The following TENM3 variants were observed in gnomAD, a reference collection of about 807,000 sequenced individuals.
The protein encoded by TENM3 is teneurin-3.
In TENM3, 63 loss-of-function variants were observed where a neutral mutation model predicts 255.1. That is an observed-to-expected ratio of 0.25 (90% CI 0.20 to 0.30). The LOEUF is 0.30. TENM3 is among the 10% of genes least tolerant of loss of function. TENM3 has a pLI of 1.00. For missense variants in TENM3, 2,929 were observed against 3,461.1 expected (o/e 0.85, Z 3.86); for synonymous variants, 1,306 against 1,322.3 (o/e 0.99, Z 0.27).
the TENM3 span, among the ~76,000 whole-genome samples, chr4:181,767,256 A>C: frequency 2.0e-5 from 3 of 148,946 alleles, no homozygotes; most frequent in African/African-American, 7.4e-5. Flanking sequence ...CGTCTCAAAA[A>C]AAAAAAAAAA....
the TENM3 span, among the ~76,000 whole-genome samples, chr4:182,075,200 C>CT: frequency 0.02 from 2,619 of 128,112 alleles, 124 homozygotes; most frequent in African/African-American, 0.071. Context: ...TGTTTTTTTT[C>CT]TTTTTTTTTT....
At position 182,243,646 on chromosome 4, in the gene TENM3, A is replaced by C. The variant is rs182975588; in HGVS notation, c.-76+170A>C. 7.4e-3 allele frequency among the ~76,000 whole-genome samples: 1,124 copies of C among 151,642 alleles called. 8 individuals carry two copies. The highest frequency in any genetic ancestry group is 0.011 in the Non-Finnish European group (721 of 68,018). ...AAAGTAGTTGAAGATGGAGAGGGCA[A>C]ATCTGGGCAGTGTTGGGACACGGAA... On this transcript the variant is annotated intron_variant, in intron 1 of 27. Transcript: ENST00000511685.
chr4:182,449,222 G>GCTCC (rs1205076203), intron 3 of TENM3: 24 of 165,788 alleles, frequency 1.4e-4, no homozygotes, highest in Non-Finnish European at 2.7e-4. Context: ...CGGCGGCGGC[G>GCTCC]GCGGCGGCTC....
chr4:182,666,830 A>T (rs946754542), intron 6 of TENM3, among the ~76,000 whole-genome samples: 3 of 151,868 alleles, frequency 2.0e-5, no homozygotes, highest in African/African-American at 7.3e-5. Context: ...GCCCAGGGAG[A>T]TTGAGGCTGC....
At chr4:182,397,704 C>T (rs1219541327) in intron 3 of TENM3, among the ~76,000 whole-genome samples, 4 of 152,164 alleles carry the variant, frequency 2.6e-5, no homozygotes, top group Non-Finnish European at 1.5e-5. Flanking sequence ...CAGTGGTTCT[C>T]AACCTTCGGT....
chr4:181,725,299 A>G, the TENM3 span, among the ~76,000 whole-genome samples: 1 of 152,196 alleles, frequency 6.6e-6, no homozygotes, highest in African/African-American at 2.4e-5. Context: ...TATTGAAAAT[A>G]CACATGCAAA....
chr4:181,891,298 C>G, the TENM3 span, among the ~76,000 whole-genome samples: 1 of 152,090 alleles, frequency 6.6e-6, no homozygotes, highest in African/African-American at 2.4e-5. Context: ...AAATTGAAAC[C>G]TTGTCATCTT....
chr4:182,316,283 G>A (rs1762743792), intron 1 of TENM3, among the ~76,000 whole-genome samples: 1 of 152,134 alleles, frequency 6.6e-6, no homozygotes, highest in Non-Finnish European at 1.5e-5. Flanking sequence ...AACCAGAACT[G>A]TGTTTAGTTT....
At chr4:182,237,080 T>G (rs770391592) in intron 1 of TENM3, among the ~76,000 whole-genome samples, 2 of 152,156 alleles carry the variant, frequency 1.3e-5, no homozygotes, top group Non-Finnish European at 2.9e-5. Context: ...CAGCTCCCCC[T>G]TATAAGTGAG....
Position 182,766,680 on chromosome 4 carries a change from G to A in TENM3, c.4893-6792G>A, listed in dbSNP as rs570871847. Among the ~76,000 whole-genome samples, 6 of 152,320 alleles carry A rather than the reference G, an allele frequency of 3.9e-5. No individual in the cohort carries two copies. In the South Asian group the frequency reaches 1.2e-3, roughly 32 times the overall value. On this transcript the variant is annotated intron_variant, in intron 22 of 27. Coordinates refer to ENST00000511685, the MANE Select transcript of TENM3 (RefSeq NM_001080477.4). Reference sequence around the variant, plus strand: ...TTCAAAAGGGCTGGACCAGAGAGGAGTGGGGGAGGCTCTGCCCTTGTCTAC... The same window carrying A: ...TTCAAAAGGGCTGGACCAGAGAGGAATGGGGGAGGCTCTGCCCTTGTCTAC...
chr4:182,499,563 C>G (rs1471530817), intron 3 of TENM3, among the ~76,000 whole-genome samples: 1 of 152,166 alleles, frequency 6.6e-6, no homozygotes, highest in Non-Finnish European at 1.5e-5. Context: ...AACCCTTCCC[C>G]TCCTGCCTCT....
chr4:181,657,702 A>G, the TENM3 span, among the ~76,000 whole-genome samples: 10 of 152,360 alleles, frequency 6.6e-5, no homozygotes, highest in South Asian at 1.9e-3. Context: ...AGCTGTATTC[A>G]CAATAGCAAA....
chr4:182,752,449 C>G (rs912348374), intron 20 of TENM3, among the ~76,000 whole-genome samples: 1 of 152,134 alleles, frequency 6.6e-6, no homozygotes, highest in African/African-American at 2.4e-5. Context: ...AGCCCTCACC[C>G]TCTTTGGAGA....
At chr4:182,102,991 T>A in the TENM3 span, among the ~76,000 whole-genome samples, 1 of 152,222 alleles carries the variant, frequency 6.6e-6, no homozygotes, top group African/African-American at 2.4e-5. Context: ...GAGACAGTAT[T>A]AAAGAGAATT....
chr4:182,265,380 A>C (rs887412586), intron 1 of TENM3, among the ~76,000 whole-genome samples: 10 of 151,982 alleles, frequency 6.6e-5, no homozygotes, highest in African/African-American at 2.4e-4. Context: ...TGGAGATGAG[A>C]CTCCCATGAA....
the TENM3 span, among the ~76,000 whole-genome samples, chr4:181,952,491 G>T: frequency 6.6e-6 from 1 of 152,172 alleles, no homozygotes; most frequent in Non-Finnish European, 1.5e-5. Flanking sequence ...CCAGAGAGTG[G>T]GCTCTTCACA....
intron 7 of TENM3, among the ~76,000 whole-genome samples, chr4:182,673,735 G>C (rs1046515163): frequency 6.6e-6 from 1 of 152,144 alleles, no homozygotes; most frequent in Non-Finnish European, 1.5e-5. Context: ...AATGATCAAC[G>C]CTGAGATGAA....
At chr4:181,807,150 T>G in the TENM3 span, among the ~76,000 whole-genome samples, 1 of 152,248 alleles carries the variant, frequency 6.6e-6, no homozygotes, top group South Asian at 2.1e-4. Flanking sequence ...TGTAGTTATT[T>G]GAAAGCATGT....
At chr4:182,567,326 G>C (rs1459006028) in intron 3 of TENM3, among the ~76,000 whole-genome samples, 1 of 152,096 alleles carries the variant, frequency 6.6e-6, no homozygotes, top group African/African-American at 2.4e-5. Context: ...TTCCTGTCGG[G>C]TCTTTCTGCT....
Sources: gnomAD v4.1 joint callset for allele counts (sites outside exome capture counted in the v4.1 genomes callset) on GRCh38, gnomAD v4.1.1 for gene constraint, MANE v1.5 for transcripts, NCBI Gene and HGNC (gene_info 2026-07-23, HGNC 2026-07-21) for gene names.